Variants in ATAT1 observed in about 807,000 individuals in gnomAD.
ATAT1 encodes the protein alpha tubulin acetyltransferase 1.
Under a neutral mutation model 57.2 loss-of-function variants are expected in ATAT1, and 42 were observed. That is an observed-to-expected ratio of 0.73 (90% CI 0.57 to 0.95). ATAT1 has a LOEUF of 0.95. ATAT1 is among the 40% of genes least tolerant of loss of function. ATAT1 has a pLI of 0.00. For missense variants in ATAT1, 454 were observed against 523.7 expected (o/e 0.87, Z 1.30); for synonymous variants, 168 against 187.1 (o/e 0.90, Z 0.83).
chr6:30,640,463 G>A, intron 7 of ATAT1, 41 bp downstream of exon 7: 1 of 1,612,848 alleles, frequency 6.2e-7, no homozygotes. Flanking sequence ...TCGGGGTGAG[G>A]GAAAGGAAAG....
rs1409705429 is a variant in ATAT1, at chr6:30,628,313, C to T, written c.400-16C>T. The T allele has an allele frequency of 6.2e-7, 1 of 1,610,808 alleles. No individual in the cohort carries two copies. Among genetic ancestry groups the T allele is most frequent in the Admixed American group, 1.7e-5 (1 of 59,992 alleles). ...CCCCATACTTCCTCCTACCCTGAGT[C>T]TCCTTTTCCCTGCAGAAGGAGCGAG... On this transcript the variant is annotated splice_polypyrimidine_tract_variant and intron_variant, in intron 5 of 12. Coordinates refer to ENST00000330083, the MANE Select transcript of ATAT1 (RefSeq NM_001031722.4).
intron 6 of ATAT1, among the ~76,000 whole-genome samples, chr6:30,635,370 G>C (rs185629785): frequency 6.6e-6 from 1 of 151,908 alleles, no homozygotes; most frequent in African/African-American, 2.4e-5. Context: ...AGGCCGAGTC[G>C]GGTGGATCAC....
At position 30,627,902 on chromosome 6, in the gene ATAT1, C is replaced by T. The variant is rs1204509122; in HGVS notation, c.276C>T (p.Leu92=). The T allele has an allele frequency of 1.9e-6, 3 of 1,612,868 alleles. No homozygotes were observed. In the Admixed American group the frequency reaches 5.0e-5, roughly 27 times the overall value. The change falls in exon 4 of 13, where the codon CTC becomes CTT. Residue 92 remains leucine (L), a synonymous_variant. Coordinates refer to ENST00000330083, the MANE Select transcript of ATAT1 (RefSeq NM_001031722.4). ...TCATCAAAGTTGGATACAAGAAGCT[C>T]TTTGTACTGGTGAGTGTTATTGGAT...
At chr6:30,641,115 A>G (rs1039497091) in intron 8 of ATAT1, among the ~76,000 whole-genome samples, 1 of 130,576 alleles carries the variant, frequency 7.7e-6, no homozygotes, top group Non-Finnish European at 1.6e-5. Flanking sequence ...ATATACACAC[A>G]TACACACACA....
intron 6 of ATAT1, among the ~76,000 whole-genome samples, chr6:30,637,004 T>C (rs1191112545): frequency 6.6e-6 from 1 of 152,038 alleles, no homozygotes; most frequent in Non-Finnish European, 1.5e-5. Context: ...GGTTTCACCA[T>C]GTTGGCCAGA....
In ATAT1 at chr6:30,642,833, G is replaced by GGGCGCCCCCCCCCCCCCC; in HGVS notation, c.754_755insGGCGCCCCCCCCCCCCCC (p.Ala252delinsGlyArgProProProProPro). On this transcript the variant is annotated protein_altering_variant, in exon 10 of 13. Coordinates refer to ENST00000330083, the MANE Select transcript of ATAT1 (RefSeq NM_001031722.4). ...GGCCCCTCGCCGCGCCACACCTCCA[G>GGGCGCCCCCCCCCCCCCC]CCCACCCACCCCCCCGCTCCAGCAG... The GGGCGCCCCCCCCCCCCCC allele has an allele frequency of 6.5e-7, 1 of 1,537,878 alleles. No individual in the cohort carries two copies. Among genetic ancestry groups the GGGCGCCCCCCCCCCCCCC allele is most frequent in the Non-Finnish European group, 8.7e-7 (1 of 1,145,784 alleles).
Position 30,630,519 on chromosome 6 carries a change from C to T in ATAT1, c.501+2089C>T, listed in dbSNP as rs568368195. 1.2e-4 allele frequency among the ~76,000 whole-genome samples: 19 copies of T among 152,034 alleles called. No homozygotes were observed. In the East Asian group the frequency reaches 2.9e-3, roughly 23 times the overall value. Reference sequence around the variant, plus strand: ...GGCATGATGGTGGGTACCTGTAATCCCAGCTACCCAGGAGGCTGAGGCAGG... The same window carrying T: ...GGCATGATGGTGGGTACCTGTAATCTCAGCTACCCAGGAGGCTGAGGCAGG... On this transcript the variant is annotated intron_variant, in intron 6 of 12. Coordinates refer to ENST00000330083, the MANE Select transcript of ATAT1 (RefSeq NM_001031722.4).
intron 8 of ATAT1, chr6:30,641,664 T>A: frequency 2.1e-6 from 1 of 478,348 alleles, no homozygotes; most frequent in Non-Finnish European, 2.7e-6. Flanking sequence ...TTTTTTAACC[T>A]AATAAAACTT....
At position 30,642,831 on chromosome 6, in the gene ATAT1, C is replaced by CTGGGGGCGG; in HGVS notation, c.752_753insTGGGGGCGG (p.Pro251_Ala252insGlyGlyGly). 1 of 1,583,212 alleles carries CTGGGGGCGG rather than the reference C, an allele frequency of 6.3e-7. No individual in the cohort carries two copies. The highest frequency in any genetic ancestry group is 8.6e-7 in the Non-Finnish European group (1 of 1,162,440). ...AGGGCCCCTCGCCGCGCCACACCTC[C>CTGGGGGCGG]AGCCCACCCACCCCCCCGCTCCAGC... On this transcript the variant is annotated inframe_insertion, in exon 10 of 13. Coordinates refer to ENST00000330083, the MANE Select transcript of ATAT1 (RefSeq NM_001031722.4).
At chr6:30,642,134 G>T in intron 8 of ATAT1, 42 bp from the exon 9 acceptor site, 1 of 1,613,490 alleles carries the variant, frequency 6.2e-7, no homozygotes, top group Non-Finnish European at 8.5e-7. Flanking sequence ...TGCAAAGTAT[G>T]TCTCCTAACG....
chr6:30,628,227 C>A (rs545422767), intron 5 of ATAT1, 82 bp downstream of exon 5: 26 of 1,524,082 alleles, frequency 1.7e-5, no homozygotes, highest in South Asian at 6.8e-5. Context: ...CCTCCCACCC[C>A]CCATGTTCCC....
At position 30,646,708 on chromosome 6, in the gene ATAT1, C is replaced by A; in HGVS notation, c.*65C>A. On this transcript the variant is annotated 3_prime_UTR_variant, in exon 13 of 13. Transcript: ENST00000330083. Reference sequence around the variant, plus strand: ...CTCACTACAGGAAAGAGCCAAAGCCCAACCCTCATAATAGATGGATACATT... The same window carrying A: ...CTCACTACAGGAAAGAGCCAAAGCCAAACCCTCATAATAGATGGATACATT... 1 of 1,455,454 alleles carries A rather than the reference C, an allele frequency of 6.9e-7. No individual in the cohort carries two copies. Among genetic ancestry groups the A allele is most frequent in the Non-Finnish European group, 9.1e-7 (1 of 1,095,860 alleles). 90.2% of individuals were successfully genotyped at this position (1,455,454 alleles called of 1,614,324 possible).
At position 30,626,900 on chromosome 6, in the gene ATAT1, C is replaced by A. The variant is rs758572051; in HGVS notation, c.-304C>A. On this transcript the variant is annotated 5_prime_UTR_variant, in exon 1 of 13. Coordinates refer to ENST00000330083, the MANE Select transcript of ATAT1 (RefSeq NM_001031722.4). ...CACAATGGGCCATGGAGTTCCCGTT[C>A]GATGTGGACGCGCTGTTCCCGGAGC... is the stretch of plus-strand genomic sequence containing the variant. 2 of 1,608,166 alleles carry A rather than the reference C, an allele frequency of 1.2e-6. No individual in the cohort carries two copies. Among genetic ancestry groups the A allele is most frequent in the Non-Finnish European group, 1.7e-6 (2 of 1,178,224 alleles).
At chr6:30,641,813 G>A (rs1233144216) in intron 8 of ATAT1, 31 of 1,076,592 alleles carry the variant, frequency 2.9e-5, no homozygotes, top group Admixed American at 4.8e-5. Flanking sequence ...TCGTTGGCCC[G>A]GCTGGGACCA....
chr6:30,646,645 C>T lies in ATAT1; in HGVS notation c.*2C>T, dbSNP rs1403234820. The T allele has an allele frequency of 1.3e-6, 2 of 1,552,212 alleles. No homozygotes were observed. Among genetic ancestry groups the T allele is most frequent in the East Asian group, 2.4e-5 (1 of 41,606 alleles). On this transcript the variant is annotated 3_prime_UTR_variant, in exon 13 of 13. Transcript: ENST00000330083. The stretch of plus-strand genomic sequence containing the variant: ...CGTCGCAGCACCAGGCCTTGGTGAC[C>T]GCAGCCCCGTCAAACATCTTCAAAG...
rs778646476 is a variant in ATAT1 at position 30,640,572 on chromosome 6, T to C, written c.585T>C (p.Ser195=). The C allele has an allele frequency of 6.8e-6, 11 of 1,612,858 alleles. No individual in the cohort carries two copies. Among genetic ancestry groups the C allele is most frequent in the African/African-American group, 2.7e-5 (2 of 74,910 alleles). ...CCTCTCTGAGGGCAACTCGACACTC[T>C]CGTGCTGCTGCAGTCGATCCCACGC... Residue 195 remains serine, a synonymous_variant, in exon 8 of 13, where the codon TCT becomes TCC. Coordinates refer to ENST00000330083, the MANE Select transcript of ATAT1 (RefSeq NM_001031722.4).
At chr6:30,642,312 A>C in intron 9 of ATAT1, 65 bp downstream of exon 9, 7 of 1,599,632 alleles carry the variant, frequency 4.4e-6, no homozygotes, top group Non-Finnish European at 6.0e-6. Context: ...GAGAATGCTC[A>C]GGGGACCCAG....
At chr6:30,638,976 TTTTA>T (rs1306788599) in intron 6 of ATAT1, among the ~76,000 whole-genome samples, 3 of 151,990 alleles carry the variant, frequency 2.0e-5, no homozygotes, top group Non-Finnish European at 2.9e-5. Flanking sequence ...CTGCTGAATT[TTTTA>T]TTTATTTATT....
At chr6:30,643,929 C>G in intron 10 of ATAT1, 1 of 1,114,038 alleles carries the variant, frequency 9.0e-7, no homozygotes, top group Non-Finnish European at 1.1e-6. Context: ...GCATCCTGTG[C>G]CAGGGAAACT....
Sources: gnomAD v4.1 joint callset for allele counts (sites outside exome capture counted in the v4.1 genomes callset) on GRCh38, gnomAD v4.1.1 for gene constraint, MANE v1.5 for transcripts, NCBI Gene and HGNC (gene_info 2026-07-23, HGNC 2026-07-21) for gene names.